Variants in GRK3 observed in about 807,000 individuals in gnomAD.
The protein encoded by GRK3 is G protein-coupled receptor kinase 3, also known as adrenergic, beta, receptor kinase 2.
GRK3 carries 54 observed loss-of-function variants against 95.7 expected under a neutral mutation model. The observed-to-expected ratio is 0.56, with a 90% CI of 0.45 to 0.71. The LOEUF is 0.71. Ranked by LOEUF, GRK3 falls within the 30% of genes least tolerant of loss-of-function variation. The pLI is 0.00. For synonymous variants in GRK3, 281 were observed against 290.8 expected (o/e 0.97, Z 0.34); for missense variants, 649 against 851.2 (o/e 0.76, Z 2.96).
chr22:25,716,836 G>C (rs562636118), intron 18 of GRK3, among the ~76,000 whole-genome samples: 2 of 152,262 alleles, frequency 1.3e-5, no homozygotes, highest in South Asian at 2.1e-4. Context: ...AGTGCTGGGC[G>C]AGTGAGCATC....
chr22:25,710,408 C>T (rs1421845456), intron 16 of GRK3, among the ~76,000 whole-genome samples: 1 of 152,014 alleles, frequency 6.6e-6, no homozygotes, highest in East Asian at 1.9e-4. Context: ...TTTTCTAGCC[C>T]AATACTACAT....
At chr22:25,652,395 G>A (rs966413977) in intron 3 of GRK3, among the ~76,000 whole-genome samples, 1 of 152,162 alleles carries the variant, frequency 6.6e-6, no homozygotes, top group African/African-American at 2.4e-5. Context: ...AGATGGAGAT[G>A]CAGGGAGAAA....
At chr22:25,580,067 G>T (rs949555274) in intron 1 of GRK3, among the ~76,000 whole-genome samples, 5 of 152,148 alleles carry the variant, frequency 3.3e-5, no homozygotes, top group African/African-American at 1.2e-4. Flanking sequence ...CCCCCAAATG[G>T]TGGACTTGAA....
chr22:25,669,577 A>G (rs1001954470), intron 6 of GRK3, among the ~76,000 whole-genome samples: 1 of 152,108 alleles, frequency 6.6e-6, no homozygotes, highest in African/African-American at 2.4e-5. Context: ...AAGCCCTATC[A>G]TTGTCTGGGC....
intron 1 of GRK3, among the ~76,000 whole-genome samples, chr22:25,591,258 A>C (rs1932478755): frequency 6.6e-6 from 1 of 152,206 alleles, no homozygotes; most frequent in Non-Finnish European, 1.5e-5. Flanking sequence ...AAAATGGAAG[A>C]GGTACATGGT....
chr22:25,676,782 A>ATTC (rs2085033426), intron 8 of GRK3, among the ~76,000 whole-genome samples: 1 of 152,208 alleles, frequency 6.6e-6, no homozygotes, highest in Non-Finnish European at 1.5e-5. Context: ...GGTAGTAAAT[A>ATTC]TTCTTCTATT....
intron 19 of GRK3, among the ~76,000 whole-genome samples, chr22:25,720,273 G>A (rs1305391935): frequency 6.6e-6 from 1 of 152,090 alleles, no homozygotes; most frequent in African/African-American, 2.4e-5. Context: ...TCAACATTTA[G>A]TGTTCTATTT....
chr22:25,655,552 A>G (rs150567916), intron 3 of GRK3, among the ~76,000 whole-genome samples: 3 of 152,076 alleles, frequency 2.0e-5, no homozygotes. Flanking sequence ...TCTAATGCTC[A>G]TGTCATGCCT....
chr22:25,675,601 G>A (rs1448154785), intron 8 of GRK3, among the ~76,000 whole-genome samples: 2 of 152,164 alleles, frequency 1.3e-5, no homozygotes, highest in Non-Finnish European at 2.9e-5. Context: ...GTAGTATAGT[G>A]TGTGAGGCTT....
intron 2 of GRK3, among the ~76,000 whole-genome samples, chr22:25,605,640 T>G (rs1320441818): frequency 6.6e-6 from 1 of 152,298 alleles, no homozygotes; most frequent in Non-Finnish European, 1.5e-5. Context: ...TGACTTTTTG[T>G]GTATTCACCG....
At chr22:25,614,580 A>G (rs1471051170) in intron 2 of GRK3, among the ~76,000 whole-genome samples, 2 of 152,198 alleles carry the variant, frequency 1.3e-5, no homozygotes, top group African/African-American at 4.8e-5. Flanking sequence ...TGAGTATTTT[A>G]TGTGCTGGTA....
intron 2 of GRK3, among the ~76,000 whole-genome samples, chr22:25,630,084 C>T (rs1237623013): frequency 2.6e-5 from 4 of 152,148 alleles, no homozygotes; most frequent in African/African-American, 7.2e-5. Context: ...ATAAAACATA[C>T]ATATAGAAAA....
intron 1 of GRK3, 125 bp from the exon 2 acceptor site, chr22:25,604,252 T>G: frequency 1.6e-6 from 1 of 622,044 alleles, no homozygotes; most frequent in Non-Finnish European, 2.7e-6. Context: ...TTTCACGCAG[T>G]TGTGGCAAGA....
intron 2 of GRK3, among the ~76,000 whole-genome samples, chr22:25,643,381 G>A (rs557676789): frequency 3.3e-5 from 5 of 152,298 alleles, no homozygotes; most frequent in South Asian, 2.1e-4. Flanking sequence ...CAAAGGCCAC[G>A]TTCCGGGAAC....
chr22:25,589,161 C>T (rs1344132720), intron 1 of GRK3, among the ~76,000 whole-genome samples: 5 of 152,152 alleles, frequency 3.3e-5, no homozygotes, highest in Admixed American at 3.3e-4. Context: ...AATATGTTAC[C>T]TATTAATTAA....
chr22:25,583,091 T>C (rs865928386), intron 1 of GRK3, among the ~76,000 whole-genome samples: 1 of 152,188 alleles, frequency 6.6e-6, no homozygotes, highest in Non-Finnish European at 1.5e-5. Flanking sequence ...CCTAACTGGC[T>C]CTTGTCCTAG....
In GRK3 at chr22:25,662,303, C is replaced by T. The variant is rs867752637; in HGVS notation, c.366+626C>T. 1.4e-4 allele frequency among the ~76,000 whole-genome samples: 22 copies of T among 152,312 alleles called. 1 individual carries two copies. The highest frequency in any genetic ancestry group is 2.6e-4 in the Admixed American group (4 of 15,306). On this transcript the variant is annotated intron_variant, in intron 4 of 20. Transcript: ENST00000324198. ...TGACAGTCCTGGCCTGCTGTATCAA[C>T]GCAGCAGCCACTAGCTGCATGTGGC...
intron 1 of GRK3, among the ~76,000 whole-genome samples, chr22:25,568,716 G>A (rs58047408): frequency 1.3e-5 from 2 of 152,166 alleles, no homozygotes; most frequent in African/African-American, 4.8e-5. Context: ...CAAGAAGGAT[G>A]TTTGCTTTGA....
intron 2 of GRK3, among the ~76,000 whole-genome samples, chr22:25,618,927 G>A (rs916552509): frequency 3.9e-5 from 6 of 152,078 alleles, no homozygotes; most frequent in African/African-American, 7.2e-5. Context: ...CTGAAAGACC[G>A]CAACCCTTTC....
Sources: allele counts gnomAD v4.1 joint callset (sites outside exome capture counted in the v4.1 genomes callset), GRCh38; gene constraint gnomAD v4.1.1; transcripts MANE v1.5; gene names NCBI Gene and HGNC (gene_info 2026-07-23, HGNC 2026-07-21).